The following PHLPP1 variants were observed in gnomAD, a reference collection of about 807,000 sequenced individuals.
PHLPP1 encodes the protein PH domain leucine-rich repeat-containing protein phosphatase 1.
In PHLPP1, 42 loss-of-function variants were observed where a neutral mutation model predicts 117.2. The ratio of observed to expected loss-of-function variants is 0.36; its 90% CI spans 0.28 to 0.46. The LOEUF (loss-of-function observed/expected upper bound fraction) is 0.46, where lower values mean the gene tolerates loss of function less well. Ranked by LOEUF, PHLPP1 falls within the 20% of genes least tolerant of loss-of-function variation. The probability of loss-of-function intolerance (pLI) is 1.00; values close to 1 mark genes in which losing one functional copy is unlikely to be tolerated. For missense variants in PHLPP1, 2,084 were observed against 2,241.9 expected (o/e 0.93, Z 1.42); for synonymous variants, 1,042 against 970.7 (o/e 1.07, Z -1.37).
chr18:62,886,211 C>G (rs35490207), intron 4 of PHLPP1, among the ~76,000 whole-genome samples: 10,035 of 152,242 alleles, frequency 0.066, 467 homozygotes, highest in Non-Finnish European at 0.097. Context: ...CATCTCTTCC[C>G]TGTCCCCACT....
intron 1 of PHLPP1, among the ~76,000 whole-genome samples, chr18:62,728,292 C>CAAAA (rs11374202): frequency 1.4e-4 from 19 of 133,572 alleles, no homozygotes; most frequent in African/African-American, 4.3e-4. Context: ...GAGACTGACT[C>CAAAA]AAAAAAAAAA....
chr18:62,894,934 C>A, intron 4 of PHLPP1, 77 bp from the exon 5 acceptor site: 1 of 1,277,742 alleles, frequency 7.8e-7, no homozygotes, highest in Non-Finnish European at 1.1e-6. Context: ...GCTAGATTAT[C>A]TCTTAGGCTA....
intron 1 of PHLPP1, among the ~76,000 whole-genome samples, chr18:62,723,007 G>A (rs71352590): frequency 0.048 from 7,262 of 152,212 alleles, 191 homozygotes; most frequent in Middle Eastern, 0.061. Context: ...TGGTATGTTA[G>A]GTGAAACAAG....
intron 1 of PHLPP1, among the ~76,000 whole-genome samples, chr18:62,766,074 AAAAT>A (rs1157676089): frequency 2.7e-4 from 5 of 18,232 alleles, no homozygotes; most frequent in Admixed American, 8.0e-4. Flanking sequence ...AAAAAAAAAA[AAAAT>A]ATATATATAT....
chr18:62,883,502 A>G (rs1255235343), intron 4 of PHLPP1, among the ~76,000 whole-genome samples: 2 of 152,190 alleles, frequency 1.3e-5, no homozygotes, highest in Non-Finnish European at 2.9e-5. Context: ...GACCTATGTA[A>G]TTTTTGCCCA....
At chr18:62,871,954 TAA>T (rs1192308384) in intron 4 of PHLPP1, among the ~76,000 whole-genome samples, 1 of 151,984 alleles carries the variant, frequency 6.6e-6, no homozygotes, top group Non-Finnish European at 1.5e-5. Context: ...CTAGCTCTTA[TAA>T]ATGTGCCATT....
intron 1 of PHLPP1, among the ~76,000 whole-genome samples, chr18:62,773,462 T>C (rs970526475): frequency 6.6e-6 from 1 of 152,206 alleles, no homozygotes; most frequent in African/African-American, 2.4e-5. Flanking sequence ...CAGAGATGGG[T>C]GTTGTGAGAA....
intron 1 of PHLPP1, among the ~76,000 whole-genome samples, chr18:62,749,240 T>C (rs1161509134): frequency 6.6e-6 from 1 of 151,970 alleles, no homozygotes; most frequent in Non-Finnish European, 1.5e-5. Flanking sequence ...AAGGTTTTTT[T>C]TTTTTTTAAA....
chr18:62,947,500 G>T (rs1910332191), intron 12 of PHLPP1, among the ~76,000 whole-genome samples: 1 of 152,218 alleles, frequency 6.6e-6, no homozygotes, highest in African/African-American at 2.4e-5. Context: ...TTCCTCAGCT[G>T]CCCATTACTT....
In PHLPP1 at chr18:62,946,359, G is replaced by A. The variant is rs183593550; in HGVS notation, c.3324+1088G>A. 1.8e-3 allele frequency among the ~76,000 whole-genome samples: 268 copies of A among 152,190 alleles called. 2 individuals carry two copies. Among genetic ancestry groups the A allele is most frequent in the Middle Eastern group, 3.4e-3 (1 of 294 alleles). ...TCACTGCAACCTCTCTCTGTCTTCC[G>A]GGTTCAAGCGATTCGCTCGCCGCAG... On this transcript the variant is annotated intron_variant, in intron 12 of 16. Transcript: ENST00000262719.
chr18:62,960,888 C>T (rs1005643088), intron 13 of PHLPP1, among the ~76,000 whole-genome samples: 1 of 152,098 alleles, frequency 6.6e-6, no homozygotes, highest in African/African-American at 2.4e-5. Context: ...GAAGATTTTC[C>T]GTATATTATT....
At chr18:62,729,053 A>C (rs1473155084) in intron 1 of PHLPP1, among the ~76,000 whole-genome samples, 1 of 152,208 alleles carries the variant, frequency 6.6e-6, no homozygotes, top group East Asian at 1.9e-4. Flanking sequence ...CTGTTGAGTC[A>C]GTTAATTCCC....
At chr18:62,839,052 A>G (rs1914987633) in intron 3 of PHLPP1, 143 bp downstream of exon 3, 2 of 849,572 alleles carry the variant, frequency 2.4e-6, no homozygotes, top group African/African-American at 1.7e-5. Context: ...AGCAATTTTT[A>G]GTTTTTTAAA....
intron 1 of PHLPP1, among the ~76,000 whole-genome samples, chr18:62,741,250 T>C (rs1301909768): frequency 6.6e-6 from 1 of 152,222 alleles, no homozygotes; most frequent in African/African-American, 2.4e-5. Context: ...GTTTTTTACT[T>C]GCTCAGGAAC....
At chr18:62,777,747 G>C (rs1024245039) in intron 1 of PHLPP1, among the ~76,000 whole-genome samples, 3 of 152,078 alleles carry the variant, frequency 2.0e-5, no homozygotes, top group African/African-American at 7.2e-5. Context: ...TTTTAGAAAG[G>C]ACTCATCCCC....
Position 62,975,621 on chromosome 18 carries a change from C to T in PHLPP1, c.3980C>T (p.Thr1327Ile), listed in dbSNP as rs772661115. The T allele has an allele frequency of 1.2e-6, 2 of 1,602,040 alleles. No individual in the cohort carries two copies. The highest frequency in any genetic ancestry group is 2.2e-5 in the East Asian group (1 of 44,756). The change falls in exon 16 of 17, where the codon ACT (threonine) becomes ATT (isoleucine). Residue 1327 changes from threonine (T) to isoleucine (I), a missense_variant. Coordinates refer to ENST00000262719, the MANE Select transcript of PHLPP1 (RefSeq NM_194449.4). ...ATTAAACAGCACAAGGCCATTATCA[C>T]TGAGGTGAGAAAACAGGGGTGTTGC... ...KRIKQHKAII[T>I]EDGKVNGVTE...
intron 10 of PHLPP1, among the ~76,000 whole-genome samples, chr18:62,937,744 G>T (rs1309314625): frequency 6.6e-6 from 1 of 152,192 alleles, no homozygotes; most frequent in East Asian, 1.9e-4. Flanking sequence ...AGGTGCAGTG[G>T]CTCACACCTG....
At chr18:62,849,820 A>ATATATATAT (rs1568137157) in intron 3 of PHLPP1, among the ~76,000 whole-genome samples, 1 of 45,434 alleles carries the variant, frequency 2.2e-5, no homozygotes, top group Non-Finnish European at 4.6e-5. Context: ...AAAAAAAAAA[A>ATATATATAT]AAAAAAAAAA....
intron 12 of PHLPP1, among the ~76,000 whole-genome samples, chr18:62,946,280 A>T (rs994810266): frequency 1.7e-4 from 26 of 152,080 alleles, no homozygotes; most frequent in African/African-American, 6.0e-4. Context: ...TTTGTTTTTG[A>T]GATGGAGTTT....
Sources: allele counts gnomAD v4.1 joint callset (sites outside exome capture counted in the v4.1 genomes callset), GRCh38; gene constraint gnomAD v4.1.1; transcripts MANE v1.5; gene names NCBI Gene and HGNC (gene_info 2026-07-23, HGNC 2026-07-21).